Variants in FREM1 observed in about 807,000 individuals in gnomAD.
FREM1 encodes the protein FRAS1 related extracellular matrix 1.
A neutral mutation model predicts 210.1 loss-of-function variants in FREM1; 220 were observed. That is an observed-to-expected ratio of 1.05 (90% CI 0.94 to 1.17). The LOEUF is 1.17. FREM1 is among the 50% of genes most tolerant of loss of function. The probability of loss-of-function intolerance (pLI) is 0.00; values close to 1 mark genes in which losing one functional copy is unlikely to be tolerated. For missense variants in FREM1, 3,454 were observed against 2,675.5 expected, an observed-to-expected ratio of 1.29 and a Z score of -6.42; for synonymous variants, 1,189 against 980.2, an observed-to-expected ratio of 1.21 and a Z score of -3.98.
chr9:14,804,723 AT>A (rs1039287485), intron 19 of FREM1, among the ~76,000 whole-genome samples: 2 of 152,174 alleles, frequency 1.3e-5, no homozygotes, highest in Admixed American at 6.5e-5. Context: ...TCATCTGTAG[AT>A]TTTTTTTCTC....
chr9:14,859,366 A>G lies in FREM1; in HGVS notation c.448T>C (p.Leu150=), dbSNP rs2131561346. 2 of 1,613,978 alleles carry G rather than the reference A, an allele frequency of 1.2e-6. No individual in the cohort carries two copies. The highest frequency in any genetic ancestry group is 1.1e-5 in the South Asian group (1 of 91,076). The change falls in exon 4 of 37, where the codon TTG becomes CTG. Residue 150 remains leucine, a synonymous_variant. Coordinates refer to ENST00000380880, the MANE Select transcript of FREM1 (RefSeq NM_001379081.2). ...NVLEVPEFNG[L]SQAIDKNLLR... ...AGATTTTTATCAATCGCTTGGGACA[A>G]GCCATTGAATTCAGGCACCTCCAGC...
At position 14,847,763 on chromosome 9, in the gene FREM1, G is replaced by T. The variant is rs79308147; in HGVS notation, c.1261+902C>A. Among the ~76,000 whole-genome samples the T allele has an allele frequency of 4.8e-3, 737 of 152,286 alleles. 6 individuals are homozygous for T. The highest frequency in any genetic ancestry group is 7.1e-3 in the South Asian group (34 of 4,822). ...AAAATGACATTGAGCAAACCTGGGT[G>T]TCACCGATCACACATACACGTACAG... On this transcript the variant is annotated intron_variant, in intron 7 of 36. Coordinates refer to ENST00000380880, the MANE Select transcript of FREM1 (RefSeq NM_001379081.2).
chr9:14,758,762 CTCT>C (rs995404499), intron 28 of FREM1, among the ~76,000 whole-genome samples: 1 of 152,102 alleles, frequency 6.6e-6, no homozygotes, highest in Non-Finnish European at 1.5e-5. Flanking sequence ...TCTTGAAGCG[CTCT>C]TGTTATAACG....
At chr9:14,760,111 G>A (rs1845219496) in intron 27 of FREM1, among the ~76,000 whole-genome samples, 1 of 152,214 alleles carries the variant, frequency 6.6e-6, no homozygotes, top group African/African-American at 2.4e-5. Flanking sequence ...AAGGTAGACA[G>A]AGCAAGGATT....
chr9:14,749,776 A>G (rs1357821361), intron 30 of FREM1, among the ~76,000 whole-genome samples: 2 of 152,198 alleles, frequency 1.3e-5, no homozygotes, highest in Non-Finnish European at 2.9e-5. Context: ...TTAGGCATTA[A>G]GAGTGCTCTT....
Position 14,737,331 on chromosome 9 carries a change from A to T in FREM1, c.*65T>A. Reference sequence around the variant, plus strand: ...AACAATTTGTTTTCTATGGAGCAATATTCACAGATCCTGTGAATAAATAGG... The same window carrying T: ...AACAATTTGTTTTCTATGGAGCAATTTTCACAGATCCTGTGAATAAATAGG... On this transcript the variant is annotated 3_prime_UTR_variant, in exon 37 of 37. Transcript: ENST00000380880. The T allele has an allele frequency of 8.0e-7, 1 of 1,256,062 alleles. No individual in the cohort carries two copies. Among genetic ancestry groups the T allele is most frequent in the Non-Finnish European group, 1.1e-6 (1 of 881,480 alleles). The allele number at this position is 1,256,062 out of a possible 1,614,324, so 77.8% of individuals were successfully genotyped here.
At chr9:14,758,168 G>T (rs572381286) in intron 28 of FREM1, among the ~76,000 whole-genome samples, 4 of 152,288 alleles carry the variant, frequency 2.6e-5, no homozygotes, top group African/African-American at 9.6e-5. Context: ...CTAGTGTAAG[G>T]CTGCAGGTTG....
In FREM1 at chr9:14,808,137, G is replaced by A. The variant is rs1323101345; in HGVS notation, c.2894-3C>T. ...AGGCATCAGGCCAATCTCGCCACCTGGAAGACACAACTATAGCTGAAACCT... is the reference window on the plus strand; with the variant it reads ...AGGCATCAGGCCAATCTCGCCACCTAGAAGACACAACTATAGCTGAAACCT... On this transcript the variant is annotated splice_region_variant and splice_polypyrimidine_tract_variant and intron_variant, in intron 16 of 36. Coordinates refer to ENST00000380880, the MANE Select transcript of FREM1 (RefSeq NM_001379081.2). 4 of 1,573,340 alleles carry A rather than the reference G, an allele frequency of 2.5e-6. No homozygotes were observed. The highest frequency in any genetic ancestry group is 1.4e-5 in the African/African-American group (1 of 73,850).
chr9:14,750,576 C>T (rs536706219), intron 29 of FREM1, among the ~76,000 whole-genome samples: 7 of 152,132 alleles, frequency 4.6e-5, no homozygotes, highest in Non-Finnish European at 1.0e-4. Flanking sequence ...ATTATTTTCC[C>T]AACCTGTCCC....
Position 14,842,631 on chromosome 9 carries a change from C to A in FREM1, c.1423G>T (p.Asp475Tyr), listed in dbSNP as rs780346609. The stretch of plus-strand genomic sequence containing the variant: ...TAGCGAACAACTCCAGCCTGGAGGT[C>A]AGCCACGGTGAAGAGAAACCCTTTC... ...GGKGFLFTVA[D>Y]LQAGVVRYHH... The change falls in exon 9 of 37, where the codon GAC becomes TAC. Residue 475 changes from aspartate (D) to tyrosine (Y), a missense_variant. By Grantham distance (160) the Asp-to-Tyr change is radical (BLOSUM62 -3). Coordinates refer to ENST00000380880, the MANE Select transcript of FREM1 (RefSeq NM_001379081.2). 6.2e-7 allele frequency: 1 copy of A among 1,613,740 alleles called. No individual in the cohort carries two copies. The highest frequency in any genetic ancestry group is 1.3e-5 in the African/African-American group (1 of 75,052).
intron 25 of FREM1, chr9:14,774,235 G>T: frequency 2.0e-6 from 1 of 500,980 alleles, no homozygotes; most frequent in Non-Finnish European, 3.9e-6. Context: ...ACTTTGCAGG[G>T]TGTGTATTAG....
intron 1 of FREM1, among the ~76,000 whole-genome samples, chr9:14,899,403 T>C (rs1184835163): frequency 6.6e-6 from 1 of 152,150 alleles, no homozygotes; most frequent in Non-Finnish European, 1.5e-5. Context: ...CTGTGGAGAA[T>C]GCAGGTGGGA....
chr9:14,886,459 T>G (rs1216414263), intron 1 of FREM1, among the ~76,000 whole-genome samples: 5 of 122,744 alleles, frequency 4.1e-5, no homozygotes, highest in African/African-American at 6.3e-5. Flanking sequence ...TAACTGAAAA[T>G]AGCCACTTCA....
At chr9:14,881,492 A>G (rs1202277071) in intron 1 of FREM1, among the ~76,000 whole-genome samples, 1 of 152,240 alleles carries the variant, frequency 6.6e-6, no homozygotes, top group East Asian at 1.9e-4. Flanking sequence ...TGACTTAAGA[A>G]AGGCAATGTG....
chr9:14,802,953 T>C (rs1225264339), intron 19 of FREM1, among the ~76,000 whole-genome samples: 1 of 152,118 alleles, frequency 6.6e-6, no homozygotes, highest in Non-Finnish European at 1.5e-5. Flanking sequence ...ATGTATGGTT[T>C]GAATTTGTGA....
intron 1 of FREM1, among the ~76,000 whole-genome samples, chr9:14,907,397 G>A (rs957433715): frequency 1.3e-5 from 2 of 152,198 alleles, no homozygotes; most frequent in African/African-American, 4.8e-5. Flanking sequence ...CCTCAAAGAT[G>A]TCTGTTTAAG....
intron 1 of FREM1, among the ~76,000 whole-genome samples, chr9:14,908,412 A>T (rs1818156439): frequency 1.3e-5 from 2 of 152,354 alleles, no homozygotes; most frequent in East Asian, 3.9e-4. Context: ...TTTCCAAAAC[A>T]AACATTGCTT....
At chr9:14,827,098 C>G (rs536077282) in intron 10 of FREM1, among the ~76,000 whole-genome samples, 1 of 152,224 alleles carries the variant, frequency 6.6e-6, no homozygotes, top group Non-Finnish European at 1.5e-5. Context: ...GAGAAGTAGG[C>G]TAGAAAAAGC....
In FREM1 at chr9:14,792,301, CACAGAGAGAG is replaced by C. The variant is rs1394956467; in HGVS notation, c.3981+432_3981+441del. On this transcript the variant is annotated intron_variant, in intron 22 of 36. Coordinates refer to ENST00000380880, the MANE Select transcript of FREM1 (RefSeq NM_001379081.2). ...ACACACACACACACACACACACACA[CACAGAGAGAG>C]AGAGAGATTGAGAGAACAAGAAAGA... is the stretch of plus-strand genomic sequence containing the variant. Among the ~76,000 whole-genome samples the C allele has an allele frequency of 1.1e-4, 16 of 144,900 alleles. No homozygotes were observed. The Admixed American group carries it at 1.1e-3, about 10-fold the overall frequency.
Sources: gnomAD v4.1 joint callset for allele counts (sites outside exome capture counted in the v4.1 genomes callset) on GRCh38, gnomAD v4.1.1 for gene constraint, MANE v1.5 for transcripts, NCBI Gene and HGNC (gene_info 2026-07-23, HGNC 2026-07-21) for gene names.